Variants in CNTNAP2 observed in about 807,000 individuals in gnomAD.
CNTNAP2 encodes the protein contactin-associated protein-like 2.
CNTNAP2 carries 98 observed loss-of-function variants against 155.2 expected under a neutral mutation model. The ratio of observed to expected loss-of-function variants is 0.63; its 90% CI spans 0.54 to 0.75. CNTNAP2 has a LOEUF of 0.75. Ranked by LOEUF, CNTNAP2 falls within the 30% of genes least tolerant of loss-of-function variation. The probability of loss-of-function intolerance (pLI) is 0.00; values close to 1 mark genes in which losing one functional copy is unlikely to be tolerated. For missense variants in CNTNAP2, 1,727 were observed against 1,688.1 expected, an observed-to-expected ratio of 1.02 and a Z score of -0.40; for synonymous variants, 651 against 631.2, an observed-to-expected ratio of 1.03 and a Z score of -0.47.
intron 13 of CNTNAP2, among the ~76,000 whole-genome samples, chr7:147,841,936 T>C (rs1367235981): frequency 6.6e-6 from 1 of 151,406 alleles, no homozygotes; most frequent in African/African-American, 2.4e-5. Context: ...TATGATACAT[T>C]TAACAAAATG....
intron 21 of CNTNAP2, among the ~76,000 whole-genome samples, chr7:148,268,411 T>C (rs537307553): frequency 1.2e-4 from 18 of 152,122 alleles, no homozygotes; most frequent in Non-Finnish European, 1.9e-4. Context: ...CCCAGCACTT[T>C]GGGAGGCTGA....
chr7:147,272,657 C>T (rs979693521), intron 8 of CNTNAP2, among the ~76,000 whole-genome samples: 11 of 139,362 alleles, frequency 7.9e-5, no homozygotes, highest in African/African-American at 2.8e-4. Flanking sequence ...GCCACCACGC[C>T]CGGCTAATTT....
At chr7:147,175,105 A>C (rs1410033292) in intron 8 of CNTNAP2, among the ~76,000 whole-genome samples, 1 of 152,186 alleles carries the variant, frequency 6.6e-6, no homozygotes, top group Non-Finnish European at 1.5e-5. Context: ...CATGTAGGGA[A>C]AGGTAGATTA....
At chr7:147,194,641 A>ATTGTGG (rs1485115641) in intron 8 of CNTNAP2, among the ~76,000 whole-genome samples, 3 of 152,086 alleles carry the variant, frequency 2.0e-5, no homozygotes, top group Non-Finnish European at 2.9e-5. Context: ...ATGGTATCTA[A>ATTGTGG]TTGTGGTTTT....
chr7:147,405,291 T>C (rs1039773749), intron 10 of CNTNAP2, among the ~76,000 whole-genome samples: 10 of 152,318 alleles, frequency 6.6e-5, no homozygotes, highest in Non-Finnish European at 1.2e-4. Context: ...GAGCAATTGA[T>C]TTTAAAACAT....
At position 147,590,749 on chromosome 7, in the gene CNTNAP2, A is replaced by G. The variant is rs552205321; in HGVS notation, c.1897+28492A>G. The stretch of plus-strand genomic sequence containing the variant: ...AAGCAAGTCATGATAGGTATTTTAA[A>G]GGCAGATTCAGAGAAGTAGATGCTG... On this transcript the variant is annotated intron_variant, in intron 12 of 23. Coordinates refer to ENST00000361727, the MANE Select transcript of CNTNAP2 (RefSeq NM_014141.6). 2.6e-5 allele frequency among the ~76,000 whole-genome samples: 4 copies of G among 152,330 alleles called. No individual in the cohort carries two copies. The East Asian group carries it at 5.8e-4, about 22-fold the overall frequency.
intron 3 of CNTNAP2, among the ~76,000 whole-genome samples, chr7:146,870,585 A>G (rs1795286563): frequency 1.3e-5 from 2 of 152,168 alleles, no homozygotes; most frequent in Non-Finnish European, 2.9e-5. Context: ...GAGTTTACTT[A>G]TAATCAAATA....
chr7:146,379,711 C>T (rs1038481046), intron 1 of CNTNAP2, among the ~76,000 whole-genome samples: 1 of 152,198 alleles, frequency 6.6e-6, no homozygotes, highest in Admixed American at 6.5e-5. Flanking sequence ...TCCTCCAACT[C>T]TGTTTGACCT....
chr7:146,696,533 C>G (rs1800785562), intron 1 of CNTNAP2, among the ~76,000 whole-genome samples: 1 of 152,018 alleles, frequency 6.6e-6, no homozygotes, highest in African/African-American at 2.4e-5. Flanking sequence ...TTTCTTTCTG[C>G]CCTAATTTGT....
chr7:147,833,543 A>G (rs1798588463), intron 13 of CNTNAP2, among the ~76,000 whole-genome samples: 1 of 152,178 alleles, frequency 6.6e-6, no homozygotes, highest in South Asian at 2.1e-4. Context: ...TGCTGGCCTC[A>G]GCTTCTCTAA....
At chr7:148,382,967 G>A (rs1799100229) in intron 21 of CNTNAP2, among the ~76,000 whole-genome samples, 1 of 152,218 alleles carries the variant, frequency 6.6e-6, no homozygotes, top group South Asian at 2.1e-4. Flanking sequence ...TCTCACCTCT[G>A]AGCTGAGTTA....
At chr7:146,955,715 G>T (rs751632688) in intron 3 of CNTNAP2, among the ~76,000 whole-genome samples, 4 of 151,956 alleles carry the variant, frequency 2.6e-5, no homozygotes, top group Non-Finnish European at 4.4e-5. Context: ...CCTAATTTTA[G>T]TTGGAAGAGA....
chr7:146,599,499 T>C (rs947843857), intron 1 of CNTNAP2, among the ~76,000 whole-genome samples: 12 of 152,042 alleles, frequency 7.9e-5, no homozygotes, highest in African/African-American at 2.9e-4. Context: ...CTTTCCTTCC[T>C]CCTTTTATGT....
intron 12 of CNTNAP2, among the ~76,000 whole-genome samples, chr7:147,615,169 T>A (rs1463726637): frequency 1.4e-5 from 2 of 141,536 alleles, no homozygotes; most frequent in East Asian, 4.2e-4. Flanking sequence ...GAGGCTGAAG[T>A]GGAAGGATCA....
chr7:147,725,054 T>C (rs1031957584), intron 13 of CNTNAP2, among the ~76,000 whole-genome samples: 1 of 151,916 alleles, frequency 6.6e-6, no homozygotes, highest in Admixed American at 6.6e-5. Flanking sequence ...AAACATGGTG[T>C]TGGATTGTAG....
At chr7:146,651,024 T>C (rs1382454106) in intron 1 of CNTNAP2, among the ~76,000 whole-genome samples, 2 of 151,940 alleles carry the variant, frequency 1.3e-5, no homozygotes, top group African/African-American at 4.8e-5. Flanking sequence ...TAGTGAATTT[T>C]TTTTTTTTTA....
At chr7:146,779,352 A>G (rs1337728455) in intron 2 of CNTNAP2, among the ~76,000 whole-genome samples, 3 of 152,178 alleles carry the variant, frequency 2.0e-5, no homozygotes, top group African/African-American at 7.2e-5. Context: ...AAAATACATC[A>G]TTAGGTTCTA....
intron 8 of CNTNAP2, among the ~76,000 whole-genome samples, chr7:147,253,321 C>T (rs906872799): frequency 2.0e-5 from 3 of 150,304 alleles, no homozygotes; most frequent in Non-Finnish European, 2.9e-5. Flanking sequence ...TCCCTAGCCA[C>T]GTAGAAGCAT....
chr7:146,763,028 T>C (rs571463413), intron 1 of CNTNAP2, among the ~76,000 whole-genome samples: 9 of 152,218 alleles, frequency 5.9e-5, no homozygotes, highest in African/African-American at 1.9e-4. Flanking sequence ...GTGGGAATTA[T>C]GGGAGCTACA....
Sources: gnomAD v4.1 joint callset for allele counts (sites outside exome capture counted in the v4.1 genomes callset) on GRCh38, gnomAD v4.1.1 for gene constraint, MANE v1.5 for transcripts, NCBI Gene and HGNC (gene_info 2026-07-23, HGNC 2026-07-21) for gene names.